Variants in TRIOBP observed in about 807,000 individuals in gnomAD.
The protein encoded by TRIOBP is TRIO and F-actin binding protein.
Under a neutral mutation model 238.8 loss-of-function variants are expected in TRIOBP, and 169 were observed. The observed-to-expected ratio is 0.71, with a 90% CI of 0.62 to 0.80. The LOEUF is 0.80. Among genes scored for constraint, TRIOBP ranks in the 30% least tolerant of loss-of-function variants. The pLI is 0.00. For missense variants in TRIOBP, 2,838 were observed against 3,122.6 expected (o/e 0.91, Z 2.17); for synonymous variants, 1,150 against 1,274.4 (o/e 0.90, Z 2.08).
intron 8 of TRIOBP, among the ~76,000 whole-genome samples, chr22:37,733,805 G>T (rs913415797): frequency 6.6e-6 from 1 of 151,852 alleles, no homozygotes; most frequent in African/African-American, 2.4e-5. Context: ...CAAATAGCTG[G>T]GATTACAGGC....
intron 17 of TRIOBP, chr22:37,760,228 G>C (rs1489245285): frequency 6.6e-6 from 1 of 152,330 alleles, no homozygotes; most frequent in Non-Finnish European, 1.5e-5. Context: ...TATTTACAAT[G>C]TAATGGTTAT....
At chr22:37,701,626 G>C (rs1327271834) in intron 3 of TRIOBP, 147 bp downstream of exon 3, 1 of 653,602 alleles carries the variant, frequency 1.5e-6, no homozygotes, top group Non-Finnish European at 2.8e-6. Context: ...TTGCAGGGAA[G>C]TGGTTGAACC....
Position 37,725,253 on chromosome 22 carries a change from T to C in TRIOBP, c.2697T>C (p.Arg899=). 6.2e-7 allele frequency: 1 copy of C among 1,613,964 alleles called. No individual in the cohort carries two copies. Among genetic ancestry groups the C allele is most frequent in the African/African-American group, 1.3e-5 (1 of 74,992 alleles). Residue 899 remains arginine (R), a synonymous_variant, in exon 7 of 24, where the codon CGT becomes CGC. Transcript: ENST00000644935. ...ATCCCAGGAATTCATCTCCCCATCG[T>C]ACTAACAAAGACATCCCCTGGGCCT... ...WNNPRNSSPH[R]TNKDIPWASF...
chr22:37,715,028 T>A (rs1187184162), intron 5 of TRIOBP, among the ~76,000 whole-genome samples: 1 of 152,158 alleles, frequency 6.6e-6, no homozygotes, highest in Non-Finnish European at 1.5e-5. Context: ...ATTTTATTTA[T>A]TTTTGAGATG....
rs932978968 is a variant in TRIOBP at position 37,715,899 on chromosome 22, C to A, written c.593C>A (p.Pro198His). 1.2e-6 allele frequency: 2 copies of A among 1,613,316 alleles called. No homozygotes were observed. Among genetic ancestry groups the A allele is most frequent in the African/African-American group, 2.7e-5 (2 of 74,882 alleles). Reference sequence around the variant, plus strand: ...GCTCCGTCTCTCCTCACCAGGTCCCCTGTGGGAGGAGATGCTGCAGGCCAG... The same window carrying A: ...GCTCCGTCTCTCCTCACCAGGTCCCATGTGGGAGGAGATGCTGCAGGCCAG... ...QRAPSLLTRS[P>H]VGGDAAGQKK... The change falls in exon 6 of 24, where the codon CCT (proline) becomes CAT (histidine). Residue 198 changes from proline (P) to histidine (H), a missense_variant. This residue lies in a region of TRIOBP where 535 missense variants were observed against 537.3 expected (regional missense o/e 1.00). Transcript: ENST00000644935.
chr22:37,749,864 G>A (rs1925490402), intron 11 of TRIOBP, among the ~76,000 whole-genome samples: 1 of 151,928 alleles, frequency 6.6e-6, no homozygotes. Context: ...TGAGGTGGAA[G>A]GATCGCTTGA....
chr22:37,719,989 C>CACACTGCACTCACTGTTTCACTCAG lies in TRIOBP; in HGVS notation c.629-3196_629-3195insACACTGCACTCACTGTTTCACTCAG, dbSNP rs367687004. ...ACACTGCACTCACTGTTTCACTCAT[C>CACACTGCACTCACTGTTTCACTCAG]CCCCCCCGCCCTTTTTTTTTTTTTT... On this transcript the variant is annotated intron_variant, in intron 6 of 23. Transcript: ENST00000644935. Among the ~76,000 whole-genome samples the CACACTGCACTCACTGTTTCACTCAG allele has an allele frequency of 9.8e-5, 7 of 71,266 alleles. 1 individual carries two copies. Among genetic ancestry groups the CACACTGCACTCACTGTTTCACTCAG allele is most frequent in the Admixed American group, 1.7e-4 (1 of 5,730 alleles). 46.8% of individuals were successfully genotyped at this position (71,266 alleles called of 152,430 possible).
chr22:37,719,827 A>C (rs897642430), intron 6 of TRIOBP, among the ~76,000 whole-genome samples: 3 of 151,360 alleles, frequency 2.0e-5, no homozygotes, highest in Non-Finnish European at 2.9e-5. Context: ...CTCCCTGCAC[A>C]CTTAGCTGCT....
At chr22:37,763,920 G>C (rs907134664) in intron 17 of TRIOBP, among the ~76,000 whole-genome samples, 6 of 152,240 alleles carry the variant, frequency 3.9e-5, no homozygotes, top group Non-Finnish European at 7.3e-5. Context: ...GCCTGCTCCA[G>C]CTTCTGGTGG....
At position 37,724,886 on chromosome 22, in the gene TRIOBP, A is replaced by C. The variant is rs1208582740; in HGVS notation, c.2330A>C (p.Asn777Thr). The C allele has an allele frequency of 3.1e-6, 5 of 1,601,956 alleles. No homozygotes were observed. The highest frequency in any genetic ancestry group is 4.2e-6 in the Non-Finnish European group (5 of 1,176,604). The stretch of plus-strand genomic sequence containing the variant: ...AGAACATCCTGTACCCGACAGGACA[A>C]TCCCAGGACCTCCTCTCCCAATAGA... Reference protein sequence around the residue: ...NLRTSCTRQDNPRTSSPNRAT... With the variant: ...NLRTSCTRQDTPRTSSPNRAT... The change falls in exon 7 of 24, where the codon AAT becomes ACT. Residue 777 changes from asparagine to threonine, a missense_variant. Around this residue, in one of 5 missense-constraint regions of TRIOBP, gnomAD observed 2,096 missense variants for 2,137.4 expected, o/e 0.98. Transcript: ENST00000644935.
rs876658037 is a variant in TRIOBP at position 37,733,417 on chromosome 22, G to A, written c.4062+5G>A. 3.9e-6 allele frequency: 6 copies of A among 1,549,012 alleles called. 1 individual carries two copies. The South Asian group carries it at 4.8e-5, about 12-fold the overall frequency. On this transcript the variant is annotated splice_donor_5th_base_variant and intron_variant, in intron 8 of 23. Coordinates refer to ENST00000644935, the MANE Select transcript of TRIOBP (RefSeq NM_001039141.3). ...AGCCCTGCCCCCAGCAGGCAGGTGA[G>A]CACTGCCAGCTGTCTGGGGCCCCGC...
At chr22:37,762,443 A>T (rs1926292055) in intron 17 of TRIOBP, among the ~76,000 whole-genome samples, 2 of 152,210 alleles carry the variant, frequency 1.3e-5, no homozygotes, top group Admixed American at 1.3e-4. Context: ...GACGTTTAAA[A>T]GGCACTGCTT....
At chr22:37,748,054 G>A (rs546299031) in intron 11 of TRIOBP, among the ~76,000 whole-genome samples, 1 of 152,318 alleles carries the variant, frequency 6.6e-6, no homozygotes, top group African/African-American at 2.4e-5. Flanking sequence ...CGAGGAGACA[G>A]CAGTGTGGAC....
At chr22:37,773,560 T>C (rs1035505729) in intron 23 of TRIOBP, among the ~76,000 whole-genome samples, 1 of 152,180 alleles carries the variant, frequency 6.6e-6, no homozygotes, top group Non-Finnish European at 1.5e-5. Context: ...CACATCTACC[T>C]GGAGCATCCT....
At chr22:37,711,504 G>A (rs921207470) in intron 4 of TRIOBP, among the ~76,000 whole-genome samples, 2 of 151,134 alleles carry the variant, frequency 1.3e-5, no homozygotes, top group African/African-American at 2.4e-5. Flanking sequence ...ACTTGAACCC[G>A]GGAGGCAGAG....
At chr22:37,718,818 G>C (rs2145827688) in intron 6 of TRIOBP, among the ~76,000 whole-genome samples, 1 of 151,022 alleles carries the variant, frequency 6.6e-6, no homozygotes, top group East Asian at 2.0e-4. Flanking sequence ...AGCTGTGACA[G>C]GCATTACTGG....
At position 37,713,147 on chromosome 22, in the gene TRIOBP, C is replaced by G. The variant is rs891562999; in HGVS notation, c.255-63C>G. ...CTCCCTGTGTGAGTGAGTGCATATG[C>G]CTGGGTGGGGTGGGGGATGCTCCTA... On this transcript the variant is annotated intron_variant, in intron 4 of 23. Coordinates refer to ENST00000644935, the MANE Select transcript of TRIOBP (RefSeq NM_001039141.3). 1.1e-5 allele frequency: 16 copies of G among 1,467,108 alleles called. No homozygotes were observed. In the Admixed American group the frequency reaches 2.5e-4, roughly 23 times the overall value. The allele number at this position is 1,467,108 out of a possible 1,614,324, so 90.9% of individuals were successfully genotyped here. A position where few individuals can be genotyped will look rare whatever the true frequency, so the allele number is the denominator to read the frequency against.
In TRIOBP at chr22:37,725,768, C is replaced by T; in HGVS notation, c.3212C>T (p.Pro1071Leu). Reference protein sequence around the residue: ...PAVCIGHRDAPRASSPPRHTQ... With the variant: ...PAVCIGHRDALRASSPPRHTQ... ...GTGTGCATTGGACACCGAGATGCCCCCCGGGCGTCCTCGCCCCCCCGCCAC... is the reference window on the plus strand; with the variant it reads ...GTGTGCATTGGACACCGAGATGCCCTCCGGGCGTCCTCGCCCCCCCGCCAC... The change falls in exon 7 of 24, where the codon CCC becomes CTC. Residue 1071 changes from proline to leucine, a missense_variant. Transcript: ENST00000644935. The T allele has an allele frequency of 6.2e-7, 1 of 1,611,244 alleles. No homozygotes were observed. Among genetic ancestry groups the T allele is most frequent in the Non-Finnish European group, 8.5e-7 (1 of 1,179,060 alleles).
At chr22:37,704,801 A>G (rs1922847984) in intron 3 of TRIOBP, among the ~76,000 whole-genome samples, 1 of 151,674 alleles carries the variant, frequency 6.6e-6, no homozygotes, top group East Asian at 1.9e-4. Context: ...TAATCCCAGC[A>G]CTTTGGGAGG....
Sources: gnomAD v4.1 joint callset for allele counts (sites outside exome capture counted in the v4.1 genomes callset) on GRCh38, gnomAD v4.1.1 for gene constraint, gnomAD v4.1.1 regional missense constraint, MANE v1.5 for transcripts, NCBI Gene and HGNC (gene_info 2026-07-23, HGNC 2026-07-21) for gene names.